RFC3: variants seen among roughly 807,000 people sequenced by gnomAD.
The protein encoded by RFC3 is replication factor C subunit 3.
In RFC3, 41 loss-of-function variants were observed where a neutral mutation model predicts 45.1. The ratio of observed to expected loss-of-function variants is 0.91; its 90% confidence interval spans 0.71 to 1.18. The LOEUF (loss-of-function observed/expected upper bound fraction) is 1.18. Ranked by LOEUF, RFC3 falls within the 50% of genes most tolerant of loss-of-function variation. The pLI, the probability that RFC3 is intolerant of heterozygous loss-of-function variation, is 0.00. For synonymous variants in RFC3, 149 were observed against 144.0 expected, an observed-to-expected ratio of 1.03 and a Z score of -0.25; for missense variants, 423 against 428.1, an observed-to-expected ratio of 0.99 and a Z score of 0.10.
intron 8 of RFC3, chr13:33,846,166 G>A: frequency 6.6e-6 from 1 of 152,328 alleles, no homozygotes; most frequent in Non-Finnish European, 1.5e-5. Flanking sequence ...TAGGGGAGAG[G>A]TGATACAAGC....
chr13:33,967,050 G>A (rs753369436), downstream of RFC3, among the ~76,000 whole-genome samples: 8 of 152,022 alleles, frequency 5.3e-5, no homozygotes, highest in Non-Finnish European at 1.0e-4. Flanking sequence ...CCAGTTACTC[G>A]GGAGGCTGAG....
chr13:33,924,473 A>G (rs1287721007), intron 8 of RFC3, among the ~76,000 whole-genome samples: 2 of 151,952 alleles, frequency 1.3e-5, no homozygotes, highest in East Asian at 3.9e-4. Flanking sequence ...TTTTCCTGCT[A>G]TAATGACAAA....
chr13:33,965,612 A>G (rs2083083438), intron 8 of RFC3, among the ~76,000 whole-genome samples: 1 of 152,184 alleles, frequency 6.6e-6, no homozygotes, highest in Non-Finnish European at 1.5e-5. Flanking sequence ...TAAGATGTCT[A>G]TATATTATTG....
At chr13:33,913,458 G>A (rs2082714980) in intron 8 of RFC3, among the ~76,000 whole-genome samples, 1 of 152,122 alleles carries the variant, frequency 6.6e-6, no homozygotes, top group Non-Finnish European at 1.5e-5. Flanking sequence ...TGCCTGAGTA[G>A]TAAATGAACT....
At chr13:33,966,074 A>C (rs534132382) in intron 8 of RFC3, 3 of 1,595,232 alleles carry the variant, frequency 1.9e-6, no homozygotes, top group Non-Finnish European at 2.6e-6. Flanking sequence ...TGGATAGTGA[A>C]TATCTCTTAC....
At chr13:33,964,617 C>G (rs2083076595) in intron 8 of RFC3, among the ~76,000 whole-genome samples, 1 of 152,182 alleles carries the variant, frequency 6.6e-6, no homozygotes, top group Non-Finnish European at 1.5e-5. Flanking sequence ...CTGTCTGCCT[C>G]CAGCATAGAC....
chr13:33,903,147 G>A (rs949470684), intron 8 of RFC3, among the ~76,000 whole-genome samples: 1 of 151,874 alleles, frequency 6.6e-6, no homozygotes, highest in African/African-American at 2.4e-5. Flanking sequence ...ACCAAATCCC[G>A]GTTACTCTCT....
intron 8 of RFC3, 176 bp downstream of exon 8, chr13:33,835,393 A>G (rs749110461): frequency 5.4e-6 from 4 of 739,442 alleles, no homozygotes; most frequent in Non-Finnish European, 1.0e-5. Flanking sequence ...TGCTGAAGAA[A>G]AGAAGGGAGG....
downstream of RFC3, among the ~76,000 whole-genome samples, chr13:33,969,586 G>A (rs2083101798): frequency 6.6e-6 from 1 of 152,114 alleles, no homozygotes; most frequent in Non-Finnish European, 1.5e-5. Context: ...TCTTAATACA[G>A]CCTACATTTA....
chr13:33,836,718 C>T lies in RFC3; in HGVS notation c.*423C>T, dbSNP rs1335447857. 30 of 984,702 alleles carry T rather than the reference C, an allele frequency of 3.0e-5. No individual in the cohort carries two copies. The highest frequency in any genetic ancestry group is 3.6e-5 in the Non-Finnish European group (30 of 829,268). The allele number at this position is 984,702 out of a possible 1,614,324, so 61.0% of individuals were successfully genotyped here. The stretch of plus-strand genomic sequence containing the variant: ...ACACCATTATATTTAATTCTAGTTT[C>T]TCTCAATGAATAATTGTATTTTTGT... On this transcript the variant is annotated 3_prime_UTR_variant, in exon 9 of 9. Transcript: ENST00000380071.
intron 8 of RFC3, among the ~76,000 whole-genome samples, chr13:33,946,865 G>T (rs1323622771): frequency 7.2e-5 from 11 of 152,156 alleles, no homozygotes; most frequent in African/African-American, 2.4e-4. Flanking sequence ...AAACCATGTC[G>T]GTGAGCTTTT....
the RFC3 span, among the ~76,000 whole-genome samples, chr13:33,976,096 G>T: frequency 6.6e-6 from 1 of 152,104 alleles, no homozygotes; most frequent in Non-Finnish European, 1.5e-5. Context: ...ACAATGATGG[G>T]GTATACCAAA....
chr13:33,945,207 T>C (rs1593710460), intron 8 of RFC3, among the ~76,000 whole-genome samples: 1 of 152,286 alleles, frequency 6.6e-6, no homozygotes, highest in African/African-American at 2.4e-5. Context: ...TATATTCTAA[T>C]TCTGTAGTGT....
chr13:33,952,518 G>T (rs144236410), intron 8 of RFC3, among the ~76,000 whole-genome samples: 1 of 152,124 alleles, frequency 6.6e-6, no homozygotes, highest in African/African-American at 2.4e-5. Flanking sequence ...AATATCTGTC[G>T]CACAGGAATG....
At chr13:33,831,982 A>G (rs759320019) in intron 7 of RFC3, among the ~76,000 whole-genome samples, 3 of 152,212 alleles carry the variant, frequency 2.0e-5, no homozygotes, top group African/African-American at 4.8e-5. Context: ...TTGTGTATAT[A>G]CCATTTTTAC....
At chr13:33,838,072 A>C (rs146040873), downstream of RFC3, among the ~76,000 whole-genome samples, 2 of 151,894 alleles carry the variant, frequency 1.3e-5, no homozygotes, top group Non-Finnish European at 1.5e-5. Flanking sequence ...AAATATTGAA[A>C]TCTCCCTCCA....
rs542430939 is a variant in RFC3 at position 33,946,864 on chromosome 13, C to T, written c.880-19223C>T. ...TGCAATGTGAAATCTGAAACCATGTCGGTGAGCTTTTTGTACGCAGCTATA... is the reference window on the plus strand; with the variant it reads ...TGCAATGTGAAATCTGAAACCATGTTGGTGAGCTTTTTGTACGCAGCTATA... On this transcript the variant is annotated intron_variant, in intron 8 of 8. Transcript: ENST00000434425. Among the ~76,000 whole-genome samples the T allele has an allele frequency of 1.8e-4, 27 of 152,262 alleles. No individual in the cohort carries two copies. The South Asian group carries it at 2.5e-3, about 14-fold the overall frequency.
At chr13:33,920,150 A>G (rs1396367485) in intron 8 of RFC3, among the ~76,000 whole-genome samples, 1 of 152,158 alleles carries the variant, frequency 6.6e-6, no homozygotes, top group East Asian at 1.9e-4. Flanking sequence ...CAGAACCTCA[A>G]TAAATTTTTA....
chr13:33,837,030 A>G lies in RFC3; in HGVS notation c.*735A>G. 1.0e-6 allele frequency: 1 copy of G among 984,960 alleles called. No individual in the cohort carries two copies. Among genetic ancestry groups the G allele is most frequent in the Non-Finnish European group, 1.2e-6 (1 of 829,522 alleles). The allele number at this position is 984,960 out of a possible 1,614,324, so 61.0% of individuals were successfully genotyped here. ...CCTTTTTAATTAAATATTTTGGTTC[A>G]TGGACCAAAGGGTTTACTTGACAAA... On this transcript the variant is annotated 3_prime_UTR_variant, in exon 9 of 9. Transcript: ENST00000380071.
Sources: allele counts gnomAD v4.1 joint callset (sites outside exome capture counted in the v4.1 genomes callset), GRCh38; gene constraint gnomAD v4.1.1; transcripts MANE v1.5; gene names NCBI Gene and HGNC (gene_info 2026-07-23, HGNC 2026-07-21).